The following PI4KA variants were observed in gnomAD, a reference collection of about 807,000 sequenced individuals.
PI4KA encodes PI4-kinase alpha.
A neutral mutation model predicts 271.4 loss-of-function variants in PI4KA; 122 were observed. The ratio of observed to expected loss-of-function variants is 0.45; its 90% CI spans 0.39 to 0.52. The LOEUF is 0.52. Among genes scored for constraint, PI4KA ranks in the 20% least tolerant of loss-of-function variants. The probability of loss-of-function intolerance (pLI) is 0.00; values close to 1 mark genes in which losing one functional copy is unlikely to be tolerated. For synonymous variants in PI4KA, 1,041 were observed against 1,078.8 expected (o/e 0.96, Z 0.69); for missense variants, 1,969 against 2,769.1 (o/e 0.71, Z 6.48).
At chr22:20,807,713 C>G (rs145784486) in intron 9 of PI4KA, among the ~76,000 whole-genome samples, 8 of 152,264 alleles carry the variant, frequency 5.3e-5, no homozygotes, top group African/African-American at 1.7e-4. Flanking sequence ...TAGGAAGAAC[C>G]TCCTTGCTGT....
intron 23 of PI4KA, among the ~76,000 whole-genome samples, chr22:20,755,617 A>G (rs1374634124): frequency 6.6e-6 from 1 of 152,106 alleles, no homozygotes; most frequent in Non-Finnish European, 1.5e-5. Flanking sequence ...CCTGGCCAAC[A>G]TGGTGAAACC....
chr22:20,846,124 C>G (rs965090465), intron 1 of PI4KA, among the ~76,000 whole-genome samples: 1 of 151,514 alleles, frequency 6.6e-6, no homozygotes, highest in Non-Finnish European at 1.5e-5. Context: ...ATTAGGCAGG[C>G]TTGGTGGCGG....
chr22:20,713,164 T>A, intron 48 of PI4KA, 117 bp downstream of exon 48: 1 of 848,858 alleles, frequency 1.2e-6, no homozygotes, highest in Non-Finnish European at 2.0e-6. Flanking sequence ...ACCTGAACCA[T>A]ATAAGAGAAG....
intron 1 of PI4KA, among the ~76,000 whole-genome samples, chr22:20,842,759 G>T (rs1430293540): frequency 6.6e-6 from 1 of 150,396 alleles, no homozygotes; most frequent in African/African-American, 2.4e-5. Flanking sequence ...ATAGCAGTGA[G>T]CCGAGATTGT....
intron 3 of PI4KA, among the ~76,000 whole-genome samples, chr22:20,829,612 T>A (rs1923894963): frequency 6.6e-6 from 1 of 151,944 alleles, no homozygotes; most frequent in Non-Finnish European, 1.5e-5. Flanking sequence ...AACCAACTCC[T>A]GGATTTGTTG....
chr22:20,780,555 G>A (rs1051187620), intron 19 of PI4KA, among the ~76,000 whole-genome samples: 5 of 152,074 alleles, frequency 3.3e-5, no homozygotes, highest in Non-Finnish European at 5.9e-5. Context: ...ATCACTTGAG[G>A]TCAGGAGTTC....
intron 19 of PI4KA, among the ~76,000 whole-genome samples, chr22:20,775,383 A>G (rs1362669867): frequency 2.0e-5 from 3 of 152,232 alleles, no homozygotes; most frequent in Non-Finnish European, 4.4e-5. Context: ...TCCATAAAAG[A>G]TATCAGAGAT....
chr22:20,740,215 C>T (rs1929259072), intron 32 of PI4KA, among the ~76,000 whole-genome samples: 1 of 149,872 alleles, frequency 6.7e-6, no homozygotes, highest in Admixed American at 6.6e-5. Flanking sequence ...GATGGTTTTA[C>T]AGCAGAATGA....
Position 20,799,152 on chromosome 22 carries a change from G to A in PI4KA, c.1945C>T (p.Pro649Ser). Residue 649 changes from proline to serine, a missense_variant, in exon 16 of 55, where the codon CCC (proline) becomes TCC (serine). By Grantham distance (74) the Pro-to-Ser change is moderately conservative. Around this residue, in one of 13 missense-constraint regions of PI4KA, gnomAD observed 228 missense variants for 261.6 expected, o/e 0.87. Coordinates refer to ENST00000255882, the MANE Select transcript of PI4KA (RefSeq NM_058004.4). ...QILQQKFCQP[P>S]SPLDVLIIDQ... Reference sequence around the variant, plus strand: ...ATAATCAGCACATCGAGGGGGGAGGGTGGCTGGCAGAATTTCTGCTGTAGG... The same window carrying A: ...ATAATCAGCACATCGAGGGGGGAGGATGGCTGGCAGAATTTCTGCTGTAGG... 1.9e-6 allele frequency: 3 copies of A among 1,612,640 alleles called. No individual in the cohort carries two copies. Among genetic ancestry groups the A allele is most frequent in the Non-Finnish European group, 2.5e-6 (3 of 1,179,344 alleles).
chr22:20,714,411 A>G, intron 47 of PI4KA, 47 bp downstream of exon 47: 1 of 1,547,470 alleles, frequency 6.5e-7, no homozygotes, highest in Non-Finnish European at 8.7e-7. Flanking sequence ...TGGCATTAGC[A>G]AGGAAAAGCA....
intron 7 of PI4KA, among the ~76,000 whole-genome samples, chr22:20,814,410 T>A (rs1450209777): frequency 6.6e-6 from 1 of 152,178 alleles, no homozygotes; most frequent in Non-Finnish European, 1.5e-5. Flanking sequence ...GTAGTGATAG[T>A]TGCACAATAT....
At chr22:20,744,885 T>C (rs1293987256) in intron 29 of PI4KA, among the ~76,000 whole-genome samples, 165 bp from the exon 30 acceptor site, 1 of 151,998 alleles carries the variant, frequency 6.6e-6, no homozygotes, top group Non-Finnish European at 1.5e-5. Context: ...TATTTTAGAA[T>C]ACCCAGCAGT....
chr22:20,836,449 A>G (rs1289691959), intron 2 of PI4KA, among the ~76,000 whole-genome samples: 1 of 152,266 alleles, frequency 6.6e-6, no homozygotes, highest in African/African-American at 2.4e-5. Context: ...ACAGACAGGA[A>G]CAAAACTCCA....
Position 20,834,544 on chromosome 22 carries a change from A to G in PI4KA, c.367+18T>C, listed in dbSNP as rs761717551. 13 of 1,445,532 alleles carry G rather than the reference A, an allele frequency of 9.0e-6. 1 individual carries two copies. In the South Asian group the frequency reaches 1.5e-4, roughly 17 times the overall value. 89.5% of individuals were successfully genotyped at this position (1,445,532 alleles called of 1,614,324 possible). On this transcript the variant is annotated intron_variant, in intron 3 of 54. Transcript: ENST00000255882. ...TGTATTTTCTCTTATATTCAGGGAA[A>G]ACATTATATACAATTACCTCTGCCT...
At chr22:20,772,945 C>T (rs1254180670) in intron 19 of PI4KA, among the ~76,000 whole-genome samples, 1 of 152,052 alleles carries the variant, frequency 6.6e-6, no homozygotes, top group East Asian at 1.9e-4. Context: ...CAAAAGTTAG[C>T]TAGACATGGT....
intron 19 of PI4KA, among the ~76,000 whole-genome samples, chr22:20,789,275 G>A (rs1161376465): frequency 2.0e-5 from 3 of 152,204 alleles, no homozygotes; most frequent in Non-Finnish European, 4.4e-5. Flanking sequence ...AGGGATTGCT[G>A]TGAGGATTAA....
At chr22:20,756,222 T>A (rs80065923) in intron 23 of PI4KA, among the ~76,000 whole-genome samples, 665 of 151,688 alleles carry the variant, frequency 4.4e-3, no homozygotes, top group African/African-American at 8.8e-3. Context: ...TTTTTTTTTT[T>A]AATTTTTTGA....
rs994096060 is a variant in PI4KA at position 20,846,780 on chromosome 22, T to C, written c.157-8049A>G. On this transcript the variant is annotated intron_variant, in intron 1 of 54. Coordinates refer to ENST00000255882, the MANE Select transcript of PI4KA (RefSeq NM_058004.4). ...ATCACTAGAACCTGGGAAGCAGAGA[T>C]TGCAGTGAACTGAGATCACCACAGT... Among the ~76,000 whole-genome samples, 174 of 142,382 alleles carry C rather than the reference T, an allele frequency of 1.2e-3. 3 individuals are homozygous for C. In the Admixed American group the frequency reaches 0.013, roughly 11 times the overall value. The allele number at this position is 142,382 out of a possible 152,430, so 93.4% of individuals were successfully genotyped here.
chr22:20,843,930 C>T (rs1488248374), intron 1 of PI4KA, among the ~76,000 whole-genome samples: 1 of 151,202 alleles, frequency 6.6e-6, no homozygotes, highest in Non-Finnish European at 1.5e-5. Flanking sequence ...CTCATTTCTC[C>T]CTGCCTGGCC....
Sources: allele counts gnomAD v4.1 joint callset (sites outside exome capture counted in the v4.1 genomes callset), GRCh38; gene constraint gnomAD v4.1.1; regional missense constraint gnomAD v4.1.1; transcripts MANE v1.5; gene names NCBI Gene and HGNC (gene_info 2026-07-23, HGNC 2026-07-21).